The following RPH3A variants were observed in gnomAD, a reference collection of about 807,000 sequenced individuals.
RPH3A encodes rabphilin-3A.
Under a neutral mutation model 102.2 loss-of-function variants are expected in RPH3A, and 48 were observed. That is an observed-to-expected ratio of 0.47 (90% CI 0.37 to 0.60). RPH3A has a LOEUF of 0.60. RPH3A is among the 20% of genes least tolerant of loss of function. The pLI, the probability that RPH3A is intolerant of heterozygous loss-of-function variation, is 0.00. For missense variants in RPH3A, 781 were observed against 910.1 expected (o/e 0.86, Z 1.83); for synonymous variants, 310 against 324.3 (o/e 0.96, Z 0.47).
At chr12:112,612,782 C>T (rs73431643) in intron 1 of RPH3A, among the ~76,000 whole-genome samples, 3,543 of 151,568 alleles carry the variant, frequency 0.023, 143 homozygotes, top group African/African-American at 0.08. Context: ...CATCAGATTG[C>T]CCAAGCTGGT....
chr12:112,601,153 G>A (rs538503913), intron 1 of RPH3A, among the ~76,000 whole-genome samples: 147 of 152,318 alleles, frequency 9.7e-4, no homozygotes, highest in African/African-American at 3.3e-3. Context: ...GAGCCAAATC[G>A]TATCAGTAGC....
rs112000911 is a variant in RPH3A at position 112,710,228 on chromosome 12, G to A, written c.-139-81915G>A. On this transcript the variant is annotated intron_variant, in intron 1 of 21. Transcript: ENST00000543106. Reference sequence around the variant, plus strand: ...CCTGACCTCGTGATCCGCCTGTCTCGGCCTCCCAAAGTGCTGGGATTACAG... The same window carrying A: ...CCTGACCTCGTGATCCGCCTGTCTCAGCCTCCCAAAGTGCTGGGATTACAG... 6.6e-5 allele frequency among the ~76,000 whole-genome samples: 10 copies of A among 152,182 alleles called. 2 individuals are homozygous for A. Among genetic ancestry groups the A allele is most frequent in the African/African-American group, 1.4e-4 (6 of 41,530 alleles).
intron 1 of RPH3A, among the ~76,000 whole-genome samples, chr12:112,653,082 A>G (rs556614629): frequency 1.3e-5 from 2 of 152,272 alleles, no homozygotes; most frequent in East Asian, 1.9e-4. Flanking sequence ...AAGGTACAAT[A>G]AAAATACAGT....
At chr12:112,815,173 G>T (rs2041650189) in intron 2 of RPH3A, among the ~76,000 whole-genome samples, 1 of 152,188 alleles carries the variant, frequency 6.6e-6, no homozygotes, top group South Asian at 2.1e-4. Flanking sequence ...GCCTGCTGGT[G>T]CTCACACACG....
intron 1 of RPH3A, among the ~76,000 whole-genome samples, chr12:112,612,630 T>A (rs151231766): frequency 3.4e-5 from 5 of 149,066 alleles, no homozygotes; most frequent in Non-Finnish European, 5.9e-5. Flanking sequence ...AATGACGTGA[T>A]CTCGGCTCCC....
intron 1 of RPH3A, among the ~76,000 whole-genome samples, chr12:112,601,090 C>G (rs1345200333): frequency 6.6e-6 from 1 of 152,200 alleles, no homozygotes. Flanking sequence ...CTGCCCTTGA[C>G]ACGTGGGGAT....
chr12:112,635,556 A>G (rs2039842668), intron 1 of RPH3A, among the ~76,000 whole-genome samples: 1 of 151,924 alleles, frequency 6.6e-6, no homozygotes, highest in South Asian at 2.1e-4. Flanking sequence ...TGCAGACATG[A>G]CAAAAAATGC....
intron 1 of RPH3A, among the ~76,000 whole-genome samples, chr12:112,749,879 CTTTTTGTTTTTGTTT>C (rs1209749383): frequency 3.3e-5 from 5 of 152,088 alleles, no homozygotes; most frequent in Non-Finnish European, 7.3e-5. Context: ...AGAGTTCTCT[CTTTTTGTTTTTGTTT>C]TTTTTGTTTT....
intron 1 of RPH3A, among the ~76,000 whole-genome samples, chr12:112,721,772 A>C (rs1274083840): frequency 1.3e-5 from 2 of 152,150 alleles, no homozygotes; most frequent in African/African-American, 4.8e-5. Context: ...ATATGGCCAC[A>C]TTAGATGTTG....
rs150314195 is a variant in RPH3A at position 112,797,353 on chromosome 12, G to A, written c.-19+5090G>A. 2.6e-5 allele frequency among the ~76,000 whole-genome samples: 4 copies of A among 152,234 alleles called. No homozygotes were observed. The East Asian group carries it at 7.7e-4, about 29-fold the overall frequency. ...GCTTGGTTTCTTGGAGCAGGGGGAGGGGGCTGCATTACTAGGCTTGTAGGC... is the reference window on the plus strand; with the variant it reads ...GCTTGGTTTCTTGGAGCAGGGGGAGAGGGCTGCATTACTAGGCTTGTAGGC... On this transcript the variant is annotated intron_variant, in intron 2 of 21. Transcript: ENST00000389385.
rs1010216540 is a variant in RPH3A at position 112,878,944 on chromosome 12, T to G, written c.1172-175T>G. ...ATGAACTGATCACAGATGTCCTGAG[T>G]GCTCTAAGGTAGTGCAGGGTCTACC... On this transcript the variant is annotated intron_variant, in intron 13 of 21. Coordinates refer to ENST00000389385, the MANE Select transcript of RPH3A (RefSeq NM_001143854.2). 1.4e-4 allele frequency among the ~76,000 whole-genome samples: 22 copies of G among 152,234 alleles called. 1 individual carries two copies. The highest frequency in any genetic ancestry group is 5.1e-4 in the African/African-American group (21 of 41,462).
chr12:112,793,357 C>G (rs556207629), intron 2 of RPH3A, among the ~76,000 whole-genome samples: 1 of 152,330 alleles, frequency 6.6e-6, no homozygotes, highest in Admixed American at 6.5e-5. Context: ...CCTCAGTGTT[C>G]TGCACCCCCA....
rs71086113 is a variant in RPH3A, at chr12:112,655,563, CTTTTTTTTTT to C, written c.-140+80262_-140+80271del. On this transcript the variant is annotated intron_variant, in intron 1 of 21. Transcript: ENST00000543106. Reference sequence around the variant, plus strand: ...GGGCCCATCTCGAATTTTTGTTGGTCTTTTTTTTTTTTTTTTTTTTTTTTTTTGAGACAGT... The same window carrying C: ...GGGCCCATCTCGAATTTTTGTTGGTCTTTTTTTTTTTTTTTTTGAGACAGT... Among the ~76,000 whole-genome samples the C allele has an allele frequency of 7.0e-4, 39 of 55,584 alleles. 1 individual carries two copies. Among genetic ancestry groups the C allele is most frequent in the African/African-American group, 2.7e-3 (36 of 13,184 alleles). The allele number at this position is 55,584 out of a possible 152,430, so 36.5% of individuals were successfully genotyped here.
chr12:112,718,474 T>C (rs2040528660), intron 1 of RPH3A, among the ~76,000 whole-genome samples: 1 of 152,054 alleles, frequency 6.6e-6, no homozygotes, highest in Non-Finnish European at 1.5e-5. Context: ...GGGTGTGGGG[T>C]GCAAATCAGA....
chr12:112,701,119 G>C (rs143523963), intron 1 of RPH3A, among the ~76,000 whole-genome samples: 1 of 152,190 alleles, frequency 6.6e-6, no homozygotes, highest in Non-Finnish European at 1.5e-5. Context: ...CTATGCACTG[G>C]GATACAAACT....
chr12:112,578,440 C>A (rs74672796), intron 1 of RPH3A, among the ~76,000 whole-genome samples: 14,872 of 152,174 alleles, frequency 0.098, 836 homozygotes, highest in Middle Eastern at 0.15. Flanking sequence ...AAACAAAAAA[C>A]TTCCTAAGAA....
intron 19 of RPH3A, among the ~76,000 whole-genome samples, chr12:112,891,597 T>A (rs2043095643): frequency 2.0e-5 from 3 of 152,182 alleles, no homozygotes; most frequent in Non-Finnish European, 2.9e-5. Flanking sequence ...GATGTTAGAC[T>A]ACAATGCAAG....
intron 1 of RPH3A, among the ~76,000 whole-genome samples, chr12:112,727,465 AC>A: frequency 1.1e-5 from 1 of 88,180 alleles, no homozygotes; most frequent in Non-Finnish European, 2.3e-5. Context: ...ACAGACACAC[AC>A]ACACACACAC....
intron 4 of RPH3A, among the ~76,000 whole-genome samples, chr12:112,846,098 G>C (rs1786747041): frequency 6.6e-6 from 1 of 152,196 alleles, no homozygotes; most frequent in Non-Finnish European, 1.5e-5. Flanking sequence ...GTAAAGGACG[G>C]ACCAGGTAAG....
Sources: allele counts gnomAD v4.1 joint callset (sites outside exome capture counted in the v4.1 genomes callset), GRCh38; gene constraint gnomAD v4.1.1; transcripts MANE v1.5; gene names NCBI Gene and HGNC (gene_info 2026-07-23, HGNC 2026-07-21).